NTM: variants seen among roughly 807,000 people sequenced by gnomAD.
NTM encodes neurotrimin.
Under a neutral mutation model 42.1 loss-of-function variants are expected in NTM, and 13 were observed. The ratio of observed to expected loss-of-function variants is 0.31; its 90% CI spans 0.20 to 0.49. NTM has a LOEUF of 0.49. Among genes scored for constraint, NTM ranks in the 20% least tolerant of loss-of-function variants. The pLI, the probability that NTM is intolerant of heterozygous loss-of-function variation, is 0.99. For synonymous variants in NTM, 187 were observed against 179.2 expected (o/e 1.04, Z -0.35); for missense variants, 373 against 452.8 (o/e 0.82, Z 1.60).
At chr11:132,068,168 A>G (rs903738061) in intron 2 of NTM, among the ~76,000 whole-genome samples, 1 of 152,212 alleles carries the variant, frequency 6.6e-6, no homozygotes, top group Non-Finnish European at 1.5e-5. Context: ...TTTTGTTAAC[A>G]GTGGATCTTC....
At chr11:132,285,348 C>T (rs1176407878) in intron 4 of NTM, among the ~76,000 whole-genome samples, 1 of 152,208 alleles carries the variant, frequency 6.6e-6, no homozygotes, top group Non-Finnish European at 1.5e-5. Context: ...CCCTTTGTAC[C>T]TCTCTCTTCT....
intron 2 of NTM, among the ~76,000 whole-genome samples, chr11:132,106,002 C>G (rs181957560): frequency 1.3e-5 from 2 of 152,114 alleles, no homozygotes; most frequent in African/African-American, 2.4e-5. Context: ...AAACCTAAGT[C>G]AATTTGAGGG....
intron 7 of NTM, among the ~76,000 whole-genome samples, chr11:132,317,260 T>A (rs977945685): frequency 3.3e-5 from 5 of 152,028 alleles, no homozygotes; most frequent in African/African-American, 1.2e-4. Flanking sequence ...GGGGCAAAAA[T>A]TTCTGAATTT....
intron 1 of NTM, among the ~76,000 whole-genome samples, chr11:131,625,018 G>T (rs1375971710): frequency 2.0e-5 from 3 of 152,216 alleles, no homozygotes; most frequent in African/African-American, 7.2e-5. Flanking sequence ...TTGCTGGGTT[G>T]TAAGTAACAA....
At chr11:131,596,545 C>T (rs2059825992) in intron 1 of NTM, among the ~76,000 whole-genome samples, 1 of 152,230 alleles carries the variant, frequency 6.6e-6, no homozygotes, top group Non-Finnish European at 1.5e-5. Context: ...CTCCTCATGC[C>T]ATCCCCTCTC....
At chr11:131,753,719 A>G (rs1441526556) in intron 1 of NTM, among the ~76,000 whole-genome samples, 1 of 151,568 alleles carries the variant, frequency 6.6e-6, no homozygotes, top group African/African-American at 2.4e-5. Context: ...AGGAAGGGGA[A>G]CATCACACTC....
At chr11:131,568,367 T>C (rs930304201) in intron 1 of NTM, among the ~76,000 whole-genome samples, 3 of 152,172 alleles carry the variant, frequency 2.0e-5, no homozygotes, top group Admixed American at 6.5e-5. Context: ...TCACTTGATA[T>C]GGTATTGTCA....
At chr11:131,798,141 A>G (rs2091775740) in intron 1 of NTM, among the ~76,000 whole-genome samples, 1 of 152,306 alleles carries the variant, frequency 6.6e-6, no homozygotes. Flanking sequence ...GGGTAGTAAT[A>G]ATGGGTGTCA....
chr11:131,796,451 GGCT>G (rs1234872576), intron 1 of NTM, among the ~76,000 whole-genome samples: 1 of 152,196 alleles, frequency 6.6e-6, no homozygotes, highest in Non-Finnish European at 1.5e-5. Flanking sequence ...TGGAACTAGT[GGCT>G]GCTGCCAGTA....
At chr11:131,759,377 C>A (rs530802590) in intron 1 of NTM, among the ~76,000 whole-genome samples, 2 of 152,338 alleles carry the variant, frequency 1.3e-5, no homozygotes, top group Admixed American at 1.3e-4. Context: ...TGTTCTGGAA[C>A]CTGAGAGCAA....
At chr11:131,948,430 G>A (rs2060613355) in intron 2 of NTM, among the ~76,000 whole-genome samples, 1 of 151,534 alleles carries the variant, frequency 6.6e-6, no homozygotes, top group South Asian at 2.1e-4. Context: ...ACATCCAAAG[G>A]CTTATTTTGG....
chr11:131,404,068 C>A (rs1945542875), intron 1 of NTM, among the ~76,000 whole-genome samples: 1 of 152,080 alleles, frequency 6.6e-6, no homozygotes, highest in Non-Finnish European at 1.5e-5. Context: ...ACTGCAACAT[C>A]AACAATCTCT....
At chr11:132,273,729 A>G (rs1418091129) in intron 4 of NTM, among the ~76,000 whole-genome samples, 1 of 152,122 alleles carries the variant, frequency 6.6e-6, no homozygotes, top group Non-Finnish European at 1.5e-5. Flanking sequence ...CAACATGGTG[A>G]AACCCCGTCT....
intron 1 of NTM, among the ~76,000 whole-genome samples, chr11:131,801,817 GA>G (rs2092139462): frequency 1.3e-5 from 2 of 152,024 alleles, no homozygotes; most frequent in Admixed American, 6.5e-5. Flanking sequence ...GTCCTGTCCT[GA>G]ACCTTTCTCT....
At chr11:132,166,368 G>C (rs533693945) in intron 3 of NTM, among the ~76,000 whole-genome samples, 3 of 152,176 alleles carry the variant, frequency 2.0e-5, no homozygotes, top group East Asian at 3.9e-4. Flanking sequence ...CGATAATCTA[G>C]AGATGGGTAT....
intron 1 of NTM, among the ~76,000 whole-genome samples, chr11:131,446,859 A>T (rs1444376762): frequency 6.6e-6 from 1 of 152,216 alleles, no homozygotes; most frequent in African/African-American, 2.4e-5. Context: ...TCTAGGACAC[A>T]TGTCATCATT....
chr11:131,916,713 G>A (rs753948487), intron 2 of NTM, among the ~76,000 whole-genome samples: 4 of 152,178 alleles, frequency 2.6e-5, no homozygotes, highest in Admixed American at 6.5e-5. Flanking sequence ...TCTTAAGGGC[G>A]GAACTAGGCC....
At chr11:131,425,119 T>C (rs575302519) in intron 1 of NTM, among the ~76,000 whole-genome samples, 2 of 152,178 alleles carry the variant, frequency 1.3e-5, no homozygotes. Flanking sequence ...TGGCCTCAAG[T>C]GATCCACCTG....
intron 4 of NTM, among the ~76,000 whole-genome samples, chr11:132,226,383 C>CT (rs1270244280): frequency 6.6e-6 from 1 of 152,136 alleles, no homozygotes; most frequent in Non-Finnish European, 1.5e-5. Flanking sequence ...TGTTTCCTGA[C>CT]TTTTTAATGA....
Sources: gnomAD v4.1 joint callset for allele counts (sites outside exome capture counted in the v4.1 genomes callset) on GRCh38, gnomAD v4.1.1 for gene constraint, MANE v1.5 for transcripts, NCBI Gene and HGNC (gene_info 2026-07-23, HGNC 2026-07-21) for gene names.